SUGCT: variants seen among roughly 807,000 people sequenced by gnomAD.
The protein encoded by SUGCT is succinyl-CoA:glutarate CoA-transferase.
In SUGCT, 41 loss-of-function variants were observed where a neutral mutation model predicts 55.0. That is an observed-to-expected ratio of 0.74 (90% CI 0.58 to 0.97). The LOEUF (loss-of-function observed/expected upper bound fraction) is 0.97, where lower values mean the gene tolerates loss of function less well. Ranked by LOEUF, SUGCT falls within the 50% of genes least tolerant of loss-of-function variation. The probability of loss-of-function intolerance (pLI) is 0.00; values close to 1 mark genes in which losing one functional copy is unlikely to be tolerated. For synonymous variants in SUGCT, 187 were observed against 200.4 expected (o/e 0.93, Z 0.56); for missense variants, 568 against 547.8 (o/e 1.04, Z -0.37).
intron 12 of SUGCT, among the ~76,000 whole-genome samples, chr7:40,557,210 T>G (rs1238660882): frequency 6.6e-6 from 1 of 152,166 alleles, no homozygotes; most frequent in African/African-American, 2.4e-5. Context: ...TAAGCTGAAT[T>G]TTAAGCTAGG....
At chr7:40,996,127 A>G in the SUGCT span, among the ~76,000 whole-genome samples, 8 of 152,230 alleles carry the variant, frequency 5.3e-5, no homozygotes, top group African/African-American at 1.9e-4. Context: ...GAATGAATGC[A>G]TGGACCAAAT....
the SUGCT span, among the ~76,000 whole-genome samples, chr7:41,024,662 A>G: frequency 3.9e-5 from 1 of 25,810 alleles, no homozygotes; most frequent in African/African-American, 8.8e-4. Flanking sequence ...ACAATTTGGC[A>G]AAAAAAAAAA....
chr7:40,288,292 T>TA lies in SUGCT; in HGVS notation c.720+13646dup, dbSNP rs199622270. ...TTTGGTAGAATTCATCATTGAAGCT[T>TA]AAAAAAAAAAGAAAACAAAGCCTGG... On this transcript the variant is annotated intron_variant, in intron 8 of 13. Coordinates refer to ENST00000335693, the MANE Select transcript of SUGCT (RefSeq NM_001193313.2). 7.6e-4 allele frequency among the ~76,000 whole-genome samples: 113 copies of TA among 148,848 alleles called. 2 individuals are homozygous for TA. The South Asian group carries it at 0.021, about 27-fold the overall frequency.
intron 9 of SUGCT, among the ~76,000 whole-genome samples, chr7:40,371,463 G>A (rs1490908880): frequency 1.3e-5 from 2 of 152,084 alleles, no homozygotes; most frequent in Admixed American, 6.6e-5. Context: ...ATGCAGCTGT[G>A]GAGTCCGGTT....
the SUGCT span, among the ~76,000 whole-genome samples, chr7:40,891,349 A>G: frequency 1.3e-5 from 2 of 152,218 alleles, no homozygotes; most frequent in South Asian, 4.1e-4. Context: ...ATCTTCACTG[A>G]GACACATTAT....
chr7:40,630,591 C>G (rs1347446058), intron 12 of SUGCT, among the ~76,000 whole-genome samples: 1 of 152,082 alleles, frequency 6.6e-6, no homozygotes, highest in South Asian at 2.1e-4. Flanking sequence ...GAGAAGAGCA[C>G]TCTTAGGACA....
In SUGCT at chr7:40,369,318, G is replaced by T. The variant is rs12530599; in HGVS notation, c.816+52463G>T. ...GGCAATGAAGTAGACTATTATTAGA[G>T]ATTTCTCTGGCTTTTGTGGGAAGAA... On this transcript the variant is annotated intron_variant, in intron 9 of 13. Transcript: ENST00000335693. Among the ~76,000 whole-genome samples, 107 of 152,238 alleles carry T rather than the reference G, an allele frequency of 7.0e-4. 2 individuals are homozygous for T. The highest frequency in any genetic ancestry group is 6.3e-3 in the Admixed American group (97 of 15,290).
At chr7:40,556,277 T>C (rs932757176) in intron 12 of SUGCT, among the ~76,000 whole-genome samples, 2 of 152,238 alleles carry the variant, frequency 1.3e-5, no homozygotes, top group African/African-American at 4.8e-5. Context: ...GCTGGGATTG[T>C]CTAGAAGTTT....
At chr7:40,829,002 A>T (rs1016742980) in intron 13 of SUGCT, among the ~76,000 whole-genome samples, 1 of 152,208 alleles carries the variant, frequency 6.6e-6, no homozygotes, top group African/African-American at 2.4e-5. Context: ...TACTAATCAA[A>T]GCAGGATGCA....
intron 6 of SUGCT, among the ~76,000 whole-genome samples, chr7:40,224,345 G>T (rs1049871115): frequency 6.6e-6 from 1 of 150,990 alleles, no homozygotes; most frequent in Non-Finnish European, 1.5e-5. Flanking sequence ...GTTTATAATA[G>T]TTTTTTTTCC....
chr7:40,425,586 T>A (rs2151378508), intron 9 of SUGCT, among the ~76,000 whole-genome samples: 1 of 152,248 alleles, frequency 6.6e-6, no homozygotes, highest in South Asian at 2.1e-4. Context: ...TTAAAACTTA[T>A]GAGAGGCGGT....
At chr7:40,455,936 A>G (rs1407994274) in intron 10 of SUGCT, among the ~76,000 whole-genome samples, 2 of 152,252 alleles carry the variant, frequency 1.3e-5, no homozygotes, top group South Asian at 4.1e-4. Context: ...CTTACAGGCA[A>G]TGACAACTCT....
intron 12 of SUGCT, among the ~76,000 whole-genome samples, chr7:40,702,109 T>C (rs373915447): frequency 2.0e-5 from 3 of 152,290 alleles, no homozygotes; most frequent in East Asian, 3.9e-4. Flanking sequence ...AAAATAACCC[T>C]CAAAGCCACC....
At chr7:40,210,170 C>T (rs187364547) in intron 6 of SUGCT, among the ~76,000 whole-genome samples, 10 of 152,034 alleles carry the variant, frequency 6.6e-5, no homozygotes, top group Non-Finnish European at 1.0e-4. Flanking sequence ...CTCAGCCTCC[C>T]GAGTAGCTGG....
chr7:40,151,563 C>T (rs768728329), intron 1 of SUGCT: 8 of 221,238 alleles, frequency 3.6e-5, no homozygotes, highest in Middle Eastern at 1.4e-3. Context: ...CATGGCCATC[C>T]TTGGATCCCA....
At chr7:40,867,022 G>A in the SUGCT span, among the ~76,000 whole-genome samples, 8 of 151,912 alleles carry the variant, frequency 5.3e-5, no homozygotes, top group East Asian at 1.4e-3. Context: ...CAGATGGGGG[G>A]AGAAAGAGGA....
Position 40,368,430 on chromosome 7 carries a change from C to T in SUGCT, c.816+51575C>T, listed in dbSNP as rs76782571. 5.5e-3 allele frequency among the ~76,000 whole-genome samples: 839 copies of T among 152,148 alleles called. 32 individuals are homozygous for T. The East Asian group carries it at 0.087, about 16-fold the overall frequency. ...GCCAGACTGGTCTCGAACTTTTGAC[C>T]TTGTGATCCCTCCTCCTTGCCCTCC... On this transcript the variant is annotated intron_variant, in intron 9 of 13. Coordinates refer to ENST00000335693, the MANE Select transcript of SUGCT (RefSeq NM_001193313.2).
the SUGCT span, among the ~76,000 whole-genome samples, chr7:40,896,847 A>G: frequency 6.6e-6 from 1 of 152,232 alleles, no homozygotes; most frequent in Non-Finnish European, 1.5e-5. Flanking sequence ...CCACAGAAAT[A>G]GAAAAAACAA....
At chr7:40,653,688 C>T (rs1800885632) in intron 12 of SUGCT, among the ~76,000 whole-genome samples, 1 of 152,144 alleles carries the variant, frequency 6.6e-6, no homozygotes, top group Admixed American at 6.5e-5. Context: ...TAATCCTCAC[C>T]CAGATAGGCT....
Sources: allele counts gnomAD v4.1 joint callset (sites outside exome capture counted in the v4.1 genomes callset), GRCh38; gene constraint gnomAD v4.1.1; transcripts MANE v1.5; gene names NCBI Gene and HGNC (gene_info 2026-07-23, HGNC 2026-07-21).